RBFOX1: variants seen among roughly 807,000 people sequenced by gnomAD.
The protein encoded by RBFOX1 is RNA binding fox-1 homolog 1.
A neutral mutation model predicts 57.7 loss-of-function variants in RBFOX1; 8 were observed. The observed-to-expected ratio is 0.14, with a 90% CI of 0.08 to 0.25. RBFOX1 has a LOEUF of 0.25. RBFOX1 is among the 10% of genes least tolerant of loss of function. RBFOX1 has a pLI of 1.00. For synonymous variants in RBFOX1, 326 were observed against 222.4 expected (o/e 1.47, Z -4.15); for missense variants, 611 against 548.5 (o/e 1.11, Z -1.14).
chr16:6,492,960 A>G (rs750523849), intron 2 of RBFOX1, among the ~76,000 whole-genome samples: 17 of 152,258 alleles, frequency 1.1e-4, no homozygotes, highest in Non-Finnish European at 1.9e-4. Flanking sequence ...GTAGCTGTGC[A>G]GTATGACTAA....
chr16:6,706,250 C>A, intron 3 of RBFOX1, among the ~76,000 whole-genome samples: 1 of 152,096 alleles, frequency 6.6e-6, no homozygotes, highest in East Asian at 1.9e-4. Context: ...TCGCCCATGT[C>A]CCAGTTTTGA....
At chr16:7,496,444 A>C (rs2068665961) in intron 4 of RBFOX1, among the ~76,000 whole-genome samples, 1 of 152,142 alleles carries the variant, frequency 6.6e-6, no homozygotes, top group African/African-American at 2.4e-5. Context: ...TGCCTGGCCA[A>C]GTTTCCTTAT....
Position 7,487,224 on chromosome 16 carries a change from G to A in RBFOX1, c.28-30923G>A, listed in dbSNP as rs539360686. Among the ~76,000 whole-genome samples the A allele has an allele frequency of 8.3e-4, 126 of 152,270 alleles. No homozygotes were observed. In the South Asian group the frequency reaches 8.5e-3, roughly 10 times the overall value. On this transcript the variant is annotated intron_variant, in intron 4 of 15. Transcript: ENST00000550418. ...CCACTTTCAGGCATTTGAACTTGCAGTTCCCACTGCCTCACCTTGTTTCCT... is the reference window on the plus strand; with the variant it reads ...CCACTTTCAGGCATTTGAACTTGCAATTCCCACTGCCTCACCTTGTTTCCT...
intron 1 of RBFOX1, among the ~76,000 whole-genome samples, chr16:6,063,646 A>G (rs537949356): frequency 6.6e-6 from 1 of 152,160 alleles, no homozygotes; most frequent in East Asian, 1.9e-4. Flanking sequence ...CTTACCATTT[A>G]TTTTATTTTC....
intron 3 of RBFOX1, among the ~76,000 whole-genome samples, chr16:6,656,858 T>A (rs1264618587): frequency 6.6e-6 from 1 of 150,530 alleles, no homozygotes; most frequent in Non-Finnish European, 1.5e-5. Flanking sequence ...TAAAAAAGAG[T>A]CTTTTAAACA....
intron 1 of RBFOX1, among the ~76,000 whole-genome samples, chr16:5,455,617 C>T (rs1270707390): frequency 6.6e-6 from 1 of 152,192 alleles, no homozygotes; most frequent in Non-Finnish European, 1.5e-5. Flanking sequence ...TTTTACTCAT[C>T]TGGATTCCCT....
intron 1 of RBFOX1, among the ~76,000 whole-genome samples, chr16:6,298,561 C>T (rs2078414577): frequency 6.6e-6 from 1 of 152,120 alleles, no homozygotes. Flanking sequence ...TGTAAAGTGC[C>T]TGAACTTTGC....
chr16:6,959,151 G>A (rs969903985), intron 3 of RBFOX1, among the ~76,000 whole-genome samples: 10 of 151,916 alleles, frequency 6.6e-5, no homozygotes, highest in Admixed American at 1.3e-4. Context: ...TTCAGACTAC[G>A]ATGGATTGGA....
chr16:6,222,684 T>TTTCTTA (rs1555561280), intron 1 of RBFOX1, among the ~76,000 whole-genome samples: 4 of 141,302 alleles, frequency 2.8e-5, no homozygotes, highest in Non-Finnish European at 6.1e-5. Context: ...TTTCTTTTCT[T>TTTCTTA]TTATTATTAT....
intron 3 of RBFOX1, among the ~76,000 whole-genome samples, chr16:6,913,399 G>A (rs954851993): frequency 1.3e-5 from 2 of 151,964 alleles, no homozygotes; most frequent in Non-Finnish European, 2.9e-5. Context: ...TGTCTCTTCC[G>A]GCAAGCCACG....
At chr16:5,464,089 T>G (rs552767118) in intron 1 of RBFOX1, among the ~76,000 whole-genome samples, 2 of 152,200 alleles carry the variant, frequency 1.3e-5, no homozygotes. Context: ...CTCAATGGGC[T>G]GGGAGAACGG....
chr16:5,520,773 T>C (rs2043981346), intron 2 of RBFOX1, among the ~76,000 whole-genome samples: 1 of 152,208 alleles, frequency 6.6e-6, no homozygotes, highest in Non-Finnish European at 1.5e-5. Context: ...TTTTGTCTGA[T>C]AGAATGTGAG....
At chr16:6,329,469 A>T (rs974436059) in intron 2 of RBFOX1, among the ~76,000 whole-genome samples, 1 of 151,926 alleles carries the variant, frequency 6.6e-6, no homozygotes, top group Non-Finnish European at 1.5e-5. Context: ...ACTATACTAA[A>T]CTCTTTCTAT....
intron 2 of RBFOX1, among the ~76,000 whole-genome samples, chr16:5,567,214 C>G (rs968243365): frequency 6.6e-6 from 1 of 152,168 alleles, no homozygotes; most frequent in Non-Finnish European, 1.5e-5. Flanking sequence ...CAGCCCATGG[C>G]CTTGCAGACA....
chr16:7,493,154 C>G (rs2067475272), intron 4 of RBFOX1, among the ~76,000 whole-genome samples: 1 of 152,210 alleles, frequency 6.6e-6, no homozygotes, highest in African/African-American at 2.4e-5. Context: ...GCTGGGATTA[C>G]AGGCGTGAAG....
intron 3 of RBFOX1, among the ~76,000 whole-genome samples, chr16:5,783,572 T>G (rs1054988554): frequency 6.6e-6 from 1 of 152,238 alleles, no homozygotes. Context: ...CTTCCAGCTC[T>G]GACCCATTCA....
chr16:5,848,077 C>G (rs542604656), intron 3 of RBFOX1, among the ~76,000 whole-genome samples: 37 of 152,262 alleles, frequency 2.4e-4, no homozygotes, highest in African/African-American at 6.7e-4. Flanking sequence ...GTCCGGAGCT[C>G]TGGCCAACCC....
intron 4 of RBFOX1, among the ~76,000 whole-genome samples, chr16:7,225,716 A>G (rs2093053992): frequency 7.8e-6 from 1 of 128,762 alleles, no homozygotes; most frequent in Non-Finnish European, 1.5e-5. Flanking sequence ...TCAAAAGTAG[A>G]ATATATTGTA....
chr16:6,918,248 A>G (rs8058792), intron 3 of RBFOX1, among the ~76,000 whole-genome samples: 40,098 of 150,396 alleles, frequency 0.27, 5,764 homozygotes, highest in African/African-American at 0.37. Flanking sequence ...TACCATTGCA[A>G]TCCAGCCTGG....
Sources: gnomAD v4.1 joint callset for allele counts (sites outside exome capture counted in the v4.1 genomes callset) on GRCh38, gnomAD v4.1.1 for gene constraint, MANE v1.5 for transcripts, NCBI Gene and HGNC (gene_info 2026-07-23, HGNC 2026-07-21) for gene names.